The following ZNF469 variants were observed in gnomAD, a reference collection of about 807,000 sequenced individuals.
The protein encoded by ZNF469 is zinc finger protein 469.
In ZNF469, 1 loss-of-function variant was observed where a neutral mutation model predicts 1.0. That is an observed-to-expected ratio of 1.00 (90% CI 0.35 to 4.73). The LOEUF (loss-of-function observed/expected upper bound fraction) is 4.73. Ranked by LOEUF, ZNF469 falls within the 30% of genes most tolerant of loss-of-function variation. The probability of loss-of-function intolerance (pLI) is 0.16; values close to 1 mark genes in which losing one functional copy is unlikely to be tolerated. For synonymous variants in ZNF469, 2,703 were observed against 2,363.4 expected, an observed-to-expected ratio of 1.14 and a Z score of -4.17; for missense variants, 6,100 against 5,356.3, an observed-to-expected ratio of 1.14 and a Z score of -4.33.
the ZNF469 span, among the ~76,000 whole-genome samples, chr16:88,251,129 C>G: frequency 9.9e-5 from 15 of 152,222 alleles, no homozygotes; most frequent in African/African-American, 3.6e-4. Flanking sequence ...CCACCCGCCT[C>G]AGCCTCCCAA....
the ZNF469 span, among the ~76,000 whole-genome samples, chr16:88,334,562 G>A: frequency 1.7e-3 from 254 of 152,286 alleles, 1 homozygote; most frequent in African/African-American, 5.7e-3. Flanking sequence ...TCACAGAGCC[G>A]GGAGTGATTC....
the ZNF469 span, among the ~76,000 whole-genome samples, chr16:88,204,700 A>C: frequency 2.0e-5 from 3 of 152,232 alleles, no homozygotes; most frequent in Non-Finnish European, 2.9e-5. Context: ...AGGTCATTCC[A>C]GGATGGTCAC....
At chr16:88,308,866 A>T in the ZNF469 span, among the ~76,000 whole-genome samples, 1 of 152,180 alleles carries the variant, frequency 6.6e-6, no homozygotes. Flanking sequence ...AGGACTGACC[A>T]GTGGCCCAGC....
At chr16:88,205,786 TG>T in the ZNF469 span, among the ~76,000 whole-genome samples, 5 of 151,990 alleles carry the variant, frequency 3.3e-5, no homozygotes, top group African/African-American at 9.7e-5. The surrounding 1 kb of genome is among the most constrained non-coding windows in gnomAD (Gnocchi z 4.2). Context: ...TGAGCAGTCA[TG>T]GGGGGTGAGT....
At chr16:88,194,438 A>T in the ZNF469 span, 2 of 152,420 alleles carry the variant, frequency 1.3e-5, no homozygotes, top group South Asian at 4.1e-4. Flanking sequence ...CCAGGGAAGA[A>T]ATCGCGTCCG....
the ZNF469 span, among the ~76,000 whole-genome samples, chr16:88,120,245 T>G: frequency 5.9e-5 from 9 of 152,190 alleles, no homozygotes; most frequent in African/African-American, 4.8e-5. Flanking sequence ...GGGGAGCCAC[T>G]GCCTGCCTCA....
chr16:88,131,604 T>C, the ZNF469 span, among the ~76,000 whole-genome samples: 33,475 of 147,650 alleles, frequency 0.23, 3,865 homozygotes, highest in East Asian at 0.47. Flanking sequence ...CTGAAAACAA[T>C]ACCGAATGCC....
At chr16:88,275,090 G>C in the ZNF469 span, among the ~76,000 whole-genome samples, 4 of 152,180 alleles carry the variant, frequency 2.6e-5, no homozygotes, top group Non-Finnish European at 4.4e-5. Flanking sequence ...GGAGAGATAG[G>C]GCACAAATGC....
chr16:88,185,925 C>G, the ZNF469 span, among the ~76,000 whole-genome samples: 3 of 152,088 alleles, frequency 2.0e-5, no homozygotes, highest in Admixed American at 6.6e-5. Context: ...CATTCACACT[C>G]TCACACATGT....
chr16:88,119,564 AC>A, the ZNF469 span, among the ~76,000 whole-genome samples: 18 of 152,346 alleles, frequency 1.2e-4, no homozygotes, highest in East Asian at 2.9e-3. Flanking sequence ...GATGAACAAC[AC>A]CTGCTCCTGG....
At chr16:88,236,386 G>A in the ZNF469 span, among the ~76,000 whole-genome samples, 1 of 152,274 alleles carries the variant, frequency 6.6e-6, no homozygotes. Flanking sequence ...AGCCTGTGCT[G>A]TCAGTCTTAA....
chr16:88,427,121 A>G (rs958901821), intron 2 of ZNF469, among the ~76,000 whole-genome samples: 4 of 151,596 alleles, frequency 2.6e-5, no homozygotes, highest in Non-Finnish European at 4.4e-5. Context: ...TCCCTAAGAC[A>G]GGGAAGGGTC....
chr16:88,323,582 C>A, the ZNF469 span, among the ~76,000 whole-genome samples: 1 of 152,120 alleles, frequency 6.6e-6, no homozygotes, highest in Admixed American at 6.5e-5. Context: ...CCTCAGGACC[C>A]TGTGGGAAGG....
At chr16:88,319,121 T>C in the ZNF469 span, among the ~76,000 whole-genome samples, 10 of 152,274 alleles carry the variant, frequency 6.6e-5, 1 homozygote, top group African/African-American at 2.4e-4. Flanking sequence ...TGCCTTCCCA[T>C]GACCGGCCAC....
rs1319952700 is a variant in ZNF469 at position 88,427,932 on chromosome 16, G to A, written c.462G>A (p.Gln154=). 6.5e-6 allele frequency: 10 copies of A among 1,549,944 alleles called. No homozygotes were observed. In the South Asian group the frequency reaches 9.5e-5, roughly 15 times the overall value. ...AAQLPEVDTP[Q]GPGTGAPLRP... ...AGCTCCCTGAGGTGGACACCCCCCA[G>A]GGCCCTGGGACTGGAGCTCCACTCA... The change falls in exon 3 of 3, where the codon CAG becomes CAA. Residue 154 remains glutamine (Q), a synonymous_variant. Transcript: ENST00000565624.
chr16:88,159,644 A>C, the ZNF469 span, among the ~76,000 whole-genome samples: 2 of 152,124 alleles, frequency 1.3e-5, no homozygotes, highest in Non-Finnish European at 2.9e-5. Context: ...TCTGACTTTG[A>C]AACAGAGCTG....
the ZNF469 span, among the ~76,000 whole-genome samples, chr16:88,254,671 T>C: frequency 6.6e-6 from 1 of 152,132 alleles, no homozygotes; most frequent in Admixed American, 6.5e-5. Flanking sequence ...GGCAGGAGAA[T>C]TGCTTGATCC....
At position 88,436,757 on chromosome 16, in the gene ZNF469, C is replaced by A; in HGVS notation, c.9287C>A (p.Ala3096Glu). The A allele has an allele frequency of 6.5e-7, 1 of 1,547,274 alleles. No homozygotes were observed. ...GPQSRRTEEA[A>E]GAGRAQGRGR... ...CAGAGCCGAAGGACAGAGGAGGCTGCAGGGGCAGGGAGGGCCCAAGGCAGA... is the reference window on the plus strand; with the variant it reads ...CAGAGCCGAAGGACAGAGGAGGCTGAAGGGGCAGGGAGGGCCCAAGGCAGA... Residue 3096 changes from alanine to glutamate, a missense_variant, in exon 3 of 3, where the codon GCA (alanine) becomes GAA (glutamate). Physicochemically the swap from Ala to Glu is moderately radical, Grantham distance 107 (BLOSUM62 -1). Coordinates refer to ENST00000565624, the MANE Select transcript of ZNF469 (RefSeq NM_001367624.2).
At chr16:88,199,407 C>T in the ZNF469 span, among the ~76,000 whole-genome samples, 12 of 152,324 alleles carry the variant, frequency 7.9e-5, no homozygotes, top group South Asian at 4.1e-4. Flanking sequence ...CTGCAGAATC[C>T]GCCGGCCCAC....
Sources: gnomAD v4.1 joint callset for allele counts (sites outside exome capture counted in the v4.1 genomes callset) on GRCh38, gnomAD v4.1.1 for gene constraint, Gnocchi (gnomAD v3.1) non-coding constraint, MANE v1.5 for transcripts, NCBI Gene and HGNC (gene_info 2026-07-23, HGNC 2026-07-21) for gene names.